The following CPA6 variants were observed in gnomAD, a reference collection of about 807,000 sequenced individuals.
The protein encoded by CPA6 is carboxypeptidase A6.
A neutral mutation model predicts 63.3 loss-of-function variants in CPA6; 58 were observed. The ratio of observed to expected loss-of-function variants is 0.92; its 90% confidence interval spans 0.74 to 1.14. CPA6 has a LOEUF of 1.14. Among genes scored for constraint, CPA6 ranks in the 50% most tolerant of loss-of-function variants. The probability of loss-of-function intolerance (pLI) is 0.00; values close to 1 mark genes in which losing one functional copy is unlikely to be tolerated. For synonymous variants in CPA6, 185 were observed against 179.0 expected (o/e 1.03, Z -0.27); for missense variants, 565 against 526.6 (o/e 1.07, Z -0.71).
At position 67,709,212 on chromosome 8, in the gene CPA6, A is replaced by G. The variant is rs537542472; in HGVS notation, c.116+36802T>C. 6.2e-3 allele frequency among the ~76,000 whole-genome samples: 943 copies of G among 152,326 alleles called. 4 individuals carry two copies. The highest frequency in any genetic ancestry group is 0.027 in the Middle Eastern group (8 of 294). ...CTAGCAGGCCACTGTGCATGTGGGC[A>G]GGCCACCCCAAGGGAAGAATCAGGG... is the stretch of plus-strand genomic sequence containing the variant. On this transcript the variant is annotated intron_variant, in intron 1 of 10. Coordinates refer to ENST00000297770, the MANE Select transcript of CPA6 (RefSeq NM_020361.5).
chr8:67,547,777 A>T (rs920874982), intron 2 of CPA6, among the ~76,000 whole-genome samples: 2 of 152,178 alleles, frequency 1.3e-5, no homozygotes, highest in Non-Finnish European at 2.9e-5. Context: ...CACTAGTGTG[A>T]GTCAACATGC....
intron 1 of CPA6, among the ~76,000 whole-genome samples, chr8:67,645,490 GT>G (rs1300803763): frequency 6.6e-6 from 1 of 152,186 alleles, no homozygotes; most frequent in Admixed American, 6.5e-5. Context: ...AAGGAAAAGG[GT>G]TGTGAAGGGG....
Position 67,628,007 on chromosome 8 carries a change from G to T in CPA6, c.117-3756C>A, listed in dbSNP as rs1232173823. ...TTTCTTCACTGGAGGAGTGAGGGAT[G>T]ATCTCCCAGCTGCCTTCCAACATGG... On this transcript the variant is annotated intron_variant, in intron 1 of 10. Coordinates refer to ENST00000297770, the MANE Select transcript of CPA6 (RefSeq NM_020361.5). Among the ~76,000 whole-genome samples, 3 of 152,250 alleles carry T rather than the reference G, an allele frequency of 2.0e-5. No individual in the cohort carries two copies. In the East Asian group the frequency reaches 5.8e-4, roughly 29 times the overall value.
intron 8 of CPA6, among the ~76,000 whole-genome samples, chr8:67,474,186 C>G (rs925987458): frequency 6.6e-6 from 1 of 152,128 alleles, no homozygotes; most frequent in Non-Finnish European, 1.5e-5. Context: ...AGATCCCTAG[C>G]TTAAGGAGTT....
intron 8 of CPA6, among the ~76,000 whole-genome samples, chr8:67,453,687 C>T (rs896237595): frequency 6.6e-6 from 1 of 151,658 alleles, no homozygotes; most frequent in Non-Finnish European, 1.5e-5. Flanking sequence ...ATAGATTTGG[C>T]GTCTTCTCTA....
intron 6 of CPA6, among the ~76,000 whole-genome samples, chr8:67,502,915 T>C (rs1027530656): frequency 6.6e-6 from 1 of 152,244 alleles, no homozygotes; most frequent in Non-Finnish European, 1.5e-5. Flanking sequence ...TTTTAGAATA[T>C]GTTCTATAGG....
intron 2 of CPA6, among the ~76,000 whole-genome samples, chr8:67,588,253 G>C (rs1029431857): frequency 2.6e-5 from 4 of 152,128 alleles, no homozygotes; most frequent in African/African-American, 9.7e-5. Context: ...TTAGTACAAG[G>C]TGAATTAGTC....
Position 67,491,965 on chromosome 8 carries a change from G to C in CPA6, c.637-7176C>G, listed in dbSNP as rs1362954259. Reference sequence around the variant, plus strand: ...AATCAGTTTACACACAGACAGCAAAGTGTGTAGTTGTGTTGTGTCCTTGTT... The same window carrying C: ...AATCAGTTTACACACAGACAGCAAACTGTGTAGTTGTGTTGTGTCCTTGTT... On this transcript the variant is annotated intron_variant, in intron 6 of 10. Transcript: ENST00000297770. 2.6e-5 allele frequency among the ~76,000 whole-genome samples: 4 copies of C among 152,326 alleles called. No homozygotes were observed. In the East Asian group the frequency reaches 7.7e-4, roughly 29 times the overall value.
intron 1 of CPA6, among the ~76,000 whole-genome samples, chr8:67,629,473 C>A (rs1815269015): frequency 8.2e-6 from 1 of 121,894 alleles, no homozygotes; most frequent in African/African-American, 3.6e-5. Flanking sequence ...TAATGAGACC[C>A]TGTCTCAAAA....
chr8:67,447,715 C>CA (rs1169678693), intron 8 of CPA6, among the ~76,000 whole-genome samples: 7 of 152,172 alleles, frequency 4.6e-5, no homozygotes, highest in Admixed American at 4.6e-4. Context: ...TCCCTACTAG[C>CA]AATACTCTAC....
At chr8:67,461,828 C>CA (rs1426292779) in intron 8 of CPA6, among the ~76,000 whole-genome samples, 1 of 152,170 alleles carries the variant, frequency 6.6e-6, no homozygotes, top group East Asian at 1.9e-4. Flanking sequence ...CTGACCCCCC[C>CA]ACCTCCCTCC....
intron 10 of CPA6, among the ~76,000 whole-genome samples, chr8:67,425,970 C>T (rs1231734624): frequency 6.6e-6 from 1 of 150,946 alleles, no homozygotes; most frequent in African/African-American, 2.4e-5. Context: ...CATCTTGGCT[C>T]ACTGCAATCT....
intron 2 of CPA6, among the ~76,000 whole-genome samples, chr8:67,552,878 A>T (rs1262393222): frequency 6.6e-6 from 1 of 151,842 alleles, no homozygotes; most frequent in Non-Finnish European, 1.5e-5. Context: ...CAATTTGGTT[A>T]AAATAAGTTC....
rs1007305743 is a variant in CPA6 at position 67,681,200 on chromosome 8, C to CTTTTTTTTTTTTTTTTTTTTTTTTTTTT, written c.117-56950_117-56949insAAAAAAAAAAAAAAAAAAAAAAAAAAAA. On this transcript the variant is annotated intron_variant, in intron 1 of 10. Coordinates refer to ENST00000297770, the MANE Select transcript of CPA6 (RefSeq NM_020361.5). ...CTCAACCCAAGGTCACAAAGATTTT[C>CTTTTTTTTTTTTTTTTTTTTTTTTTTTT]TTTTTTTTTTTTTTTTTTTTGAGAC... 8.9e-5 allele frequency among the ~76,000 whole-genome samples: 8 copies of CTTTTTTTTTTTTTTTTTTTTTTTTTTTT among 89,896 alleles called. 2 individuals carry two copies. The highest frequency in any genetic ancestry group is 1.2e-4 in the African/African-American group (2 of 16,218). 59.0% of individuals were successfully genotyped at this position (89,896 alleles called of 152,430 possible).
intron 2 of CPA6, among the ~76,000 whole-genome samples, chr8:67,593,353 T>C (rs1360218481): frequency 6.6e-6 from 1 of 151,952 alleles, no homozygotes; most frequent in African/African-American, 2.4e-5. Context: ...GAAAAAAATG[T>C]ATATTCTGTT....
intron 1 of CPA6, among the ~76,000 whole-genome samples, chr8:67,665,618 C>A (rs1271907008): frequency 6.6e-6 from 1 of 152,156 alleles, no homozygotes; most frequent in African/African-American, 2.4e-5. Flanking sequence ...TTCTAGACTC[C>A]CACATGTATG....
intron 1 of CPA6, among the ~76,000 whole-genome samples, chr8:67,670,481 C>T (rs746904303): frequency 3.3e-5 from 5 of 152,126 alleles, no homozygotes; most frequent in Non-Finnish European, 7.4e-5. Flanking sequence ...GACACAGATC[C>T]AAACCATAGC....
Position 67,596,494 on chromosome 8 carries a change from CTT to C in CPA6, c.192+27680_192+27681del, listed in dbSNP as rs527239877. 4.3e-4 allele frequency among the ~76,000 whole-genome samples: 65 copies of C among 149,638 alleles called. 1 individual carries two copies. Among genetic ancestry groups the C allele is most frequent in the South Asian group, 3.8e-3 (18 of 4,682 alleles). On this transcript the variant is annotated intron_variant, in intron 2 of 10. Transcript: ENST00000297770. The stretch of plus-strand genomic sequence containing the variant: ...CTTTAAACATTTTCTGTCATTGCCT[CTT>C]TGTAGTTTCACTGTATTTGGGTATG...
intron 10 of CPA6, among the ~76,000 whole-genome samples, chr8:67,425,654 G>A (rs767977232): frequency 1.3e-5 from 2 of 152,202 alleles, no homozygotes; most frequent in African/African-American, 2.4e-5. Context: ...GATTATAGGC[G>A]TGAGCCACTG....
Sources: gnomAD v4.1 joint callset for allele counts (sites outside exome capture counted in the v4.1 genomes callset) on GRCh38, gnomAD v4.1.1 for gene constraint, MANE v1.5 for transcripts, NCBI Gene and HGNC (gene_info 2026-07-23, HGNC 2026-07-21) for gene names.